The following SHC4 variants were observed in gnomAD, a reference collection of about 807,000 sequenced individuals.
SHC4 encodes the protein SHC adaptor protein 4.
A neutral mutation model predicts 69.4 loss-of-function variants in SHC4; 41 were observed. The ratio of observed to expected loss-of-function variants is 0.59; its 90% confidence interval spans 0.46 to 0.77. The LOEUF is 0.77. SHC4 is among the 30% of genes least tolerant of loss of function. SHC4 has a pLI of 0.00. For missense variants in SHC4, 777 were observed against 783.8 expected (o/e 0.99, Z 0.10); for synonymous variants, 318 against 299.3 (o/e 1.06, Z -0.64).
At chr15:48,961,140 T>C (rs926198896) in intron 1 of SHC4, among the ~76,000 whole-genome samples, 1 of 152,198 alleles carries the variant, frequency 6.6e-6, no homozygotes, top group Admixed American at 6.5e-5. Flanking sequence ...ACCTAAACTC[T>C]CAGAGTATCT....
chr15:48,851,362 A>G, intron 8 of SHC4, 114 bp from the exon 9 acceptor site: 1 of 991,894 alleles, frequency 1.0e-6, no homozygotes, highest in Non-Finnish European at 1.5e-6. Context: ...TTTCTGACAC[A>G]GGAAATGTTT....
intron 10 of SHC4, among the ~76,000 whole-genome samples, chr15:48,839,596 G>A (rs538111310): frequency 6.6e-5 from 10 of 152,162 alleles, no homozygotes; most frequent in Non-Finnish European, 1.0e-4. Flanking sequence ...TTTGGTCATC[G>A]TTGTGGACCA....
chr15:48,878,203 G>A (rs1456757562), intron 4 of SHC4: 1 of 1,574,038 alleles, frequency 6.4e-7, no homozygotes, highest in Non-Finnish European at 8.6e-7. Context: ...AGTTGTCCGA[G>A]CTGTATGAAG....
At chr15:48,952,675 AG>A (rs1901384912) in intron 1 of SHC4, among the ~76,000 whole-genome samples, 1 of 152,242 alleles carries the variant, frequency 6.6e-6, no homozygotes, top group South Asian at 2.1e-4. Flanking sequence ...CACATGAAAA[AG>A]GCTCAACATC....
chr15:48,902,054 T>A (rs1900327249), intron 2 of SHC4, among the ~76,000 whole-genome samples: 1 of 152,014 alleles, frequency 6.6e-6, no homozygotes, highest in African/African-American at 2.4e-5. Context: ...ATACAAAAGT[T>A]AGCCAGGTGT....
chr15:48,842,009 A>G (rs1899001250), intron 10 of SHC4, among the ~76,000 whole-genome samples: 1 of 152,226 alleles, frequency 6.6e-6, no homozygotes, highest in Non-Finnish European at 1.5e-5. Context: ...CTGGACTATT[A>G]AAAGGATTTT....
At chr15:48,850,800 T>C (rs1406795350) in intron 9 of SHC4, among the ~76,000 whole-genome samples, 1 of 152,170 alleles carries the variant, frequency 6.6e-6, no homozygotes, top group Non-Finnish European at 1.5e-5. Context: ...GAATAAAGAT[T>C]TTATCTTAAT....
intron 2 of SHC4, among the ~76,000 whole-genome samples, chr15:48,923,884 T>C (rs974637158): frequency 1.3e-5 from 2 of 151,996 alleles, no homozygotes; most frequent in African/African-American, 4.8e-5. Flanking sequence ...CAAGCAATCC[T>C]CCAACCTCAG....
intron 1 of SHC4, among the ~76,000 whole-genome samples, chr15:48,926,567 A>G (rs1440806878): frequency 3.3e-5 from 5 of 151,848 alleles, no homozygotes; most frequent in Admixed American, 6.6e-5. Flanking sequence ...AATTCAAGCA[A>G]TTCTCCTGCC....
At chr15:48,863,168 T>C (rs997967760) in intron 6 of SHC4, among the ~76,000 whole-genome samples, 1 of 151,976 alleles carries the variant, frequency 6.6e-6, no homozygotes, top group Non-Finnish European at 1.5e-5. Flanking sequence ...GTAATAAATA[T>C]TCACTGTAAG....
chr15:48,884,553 G>A lies in SHC4; in HGVS notation c.721-186C>T, dbSNP rs370627788. On this transcript the variant is annotated intron_variant, in intron 3 of 11. Transcript: ENST00000332408. Reference sequence around the variant, plus strand: ...ACTTTTTTTTAAATTAGGATGCAGCGAATTCTTTATTAAGTAGTGAAATTT... The same window carrying A: ...ACTTTTTTTTAAATTAGGATGCAGCAAATTCTTTATTAAGTAGTGAAATTT... Among the ~76,000 whole-genome samples the A allele has an allele frequency of 2.3e-4, 35 of 152,162 alleles. No homozygotes were observed. The East Asian group carries it at 6.4e-3, about 28-fold the overall frequency.
chr15:48,840,731 C>A (rs1459174421), intron 10 of SHC4, among the ~76,000 whole-genome samples: 1 of 152,112 alleles, frequency 6.6e-6, no homozygotes, highest in African/African-American at 2.4e-5. Context: ...GTTCTTAAAT[C>A]AACATAATTT....
rs116709982 is a variant in SHC4 at position 48,849,226 on chromosome 15, T to C, written c.1303+1962A>G. 4.3e-3 allele frequency among the ~76,000 whole-genome samples: 656 copies of C among 152,170 alleles called. 3 individuals are homozygous for C. The highest frequency in any genetic ancestry group is 0.015 in the African/African-American group (624 of 41,506). On this transcript the variant is annotated intron_variant, in intron 9 of 11. Transcript: ENST00000332408. ...GCCCATTTATTTTCTCTCTCTTCTT[T>C]CCCCTGCTCTCTCTCCCTCTCTCCC...
chr15:48,871,202 A>T lies in SHC4; in HGVS notation c.894+887T>A, dbSNP rs561832959. ...TGCTTTGCAGAAAAGAAGGTAATAC[A>T]TTCTGAGTAAGAACAAGGTCTGTGT... is the stretch of plus-strand genomic sequence containing the variant. On this transcript the variant is annotated intron_variant, in intron 5 of 11. Coordinates refer to ENST00000332408, the MANE Select transcript of SHC4 (RefSeq NM_203349.4). Among the ~76,000 whole-genome samples the T allele has an allele frequency of 4.7e-4, 72 of 152,368 alleles. 1 individual carries two copies. Among genetic ancestry groups the T allele is most frequent in the Admixed American group, 2.5e-3 (38 of 15,306 alleles).
chr15:48,829,979 T>C (rs1210410134), intron 11 of SHC4, among the ~76,000 whole-genome samples: 1 of 151,580 alleles, frequency 6.6e-6, no homozygotes, highest in Non-Finnish European at 1.5e-5. Context: ...TTGGAGCTTG[T>C]TTTTTTTTAA....
chr15:48,834,765 A>C lies in SHC4; in HGVS notation c.1737+4T>G. The C allele has an allele frequency of 1.2e-6, 2 of 1,613,884 alleles. No homozygotes were observed. Among genetic ancestry groups the C allele is most frequent in the Non-Finnish European group, 1.7e-6 (2 of 1,179,838 alleles). The stretch of plus-strand genomic sequence containing the variant: ...TGAAACCTCTAATGAGAAGTCAATG[A>C]TACCTTGCCTTCAGGATCCACCAGG... On this transcript the variant is annotated splice_donor_region_variant and intron_variant, in intron 11 of 11. Coordinates refer to ENST00000332408, the MANE Select transcript of SHC4 (RefSeq NM_203349.4).
chr15:48,963,649 G>A lies in SHC4; in HGVS notation c.-634C>T, dbSNP rs906577187. Among the ~76,000 whole-genome samples the A allele has an allele frequency of 2.6e-5, 4 of 152,080 alleles. No individual in the cohort carries two copies. The highest frequency in any genetic ancestry group is 9.7e-5 in the African/African-American group (4 of 41,396). On this transcript the variant is annotated 5_prime_UTR_variant, in exon 1 of 12. Coordinates refer to ENST00000332408, the MANE Select transcript of SHC4 (RefSeq NM_203349.4). ...AGATCTTGTCTTGCATCCCGTTCTG[G>A]GCCACCAGCCAGGAGTACTACTGAC...
chr15:48,925,036 C>A (rs550096172), intron 1 of SHC4, 87 bp from the exon 2 acceptor site: 2 of 1,339,244 alleles, frequency 1.5e-6, no homozygotes, highest in East Asian at 4.6e-5. Flanking sequence ...TGGGAAGCAC[C>A]TAAAATCAGC....
intron 1 of SHC4, among the ~76,000 whole-genome samples, chr15:48,945,233 A>G (rs1901253408): frequency 6.6e-6 from 1 of 152,232 alleles, no homozygotes; most frequent in Non-Finnish European, 1.5e-5. Context: ...GATAAGTTCA[A>G]AAAGCTCAAC....
Sources: allele counts gnomAD v4.1 joint callset (sites outside exome capture counted in the v4.1 genomes callset), GRCh38; gene constraint gnomAD v4.1.1; transcripts MANE v1.5; gene names NCBI Gene and HGNC (gene_info 2026-07-23, HGNC 2026-07-21).